The following PLCL1 variants were observed in gnomAD, a reference collection of about 807,000 sequenced individuals.
PLCL1 encodes phospholipase C like 1 (inactive), also known as inactive phospholipase C-like protein 1.
PLCL1 carries 41 observed loss-of-function variants against 84.4 expected under a neutral mutation model. The observed-to-expected ratio is 0.49, with a 90% CI of 0.38 to 0.63. The LOEUF (loss-of-function observed/expected upper bound fraction) is 0.63, where lower values mean the gene tolerates loss of function less well. PLCL1 is among the 30% of genes least tolerant of loss of function. The probability of loss-of-function intolerance (pLI) is 0.00; values close to 1 mark genes in which losing one functional copy is unlikely to be tolerated. For missense variants in PLCL1, 1,206 were observed against 1,367.8 expected (o/e 0.88, Z 1.87); for synonymous variants, 490 against 488.3 (o/e 1.00, Z -0.05).
chr2:198,083,136 C>T (rs149491543), intron 1 of PLCL1, among the ~76,000 whole-genome samples: 108 of 152,250 alleles, frequency 7.1e-4, no homozygotes, highest in African/African-American at 2.5e-3. Flanking sequence ...GAAATGCAGG[C>T]GTGAATTCCT....
chr2:198,092,772 T>C (rs969302674), intron 3 of PLCL1, among the ~76,000 whole-genome samples: 2 of 152,214 alleles, frequency 1.3e-5, no homozygotes, highest in African/African-American at 4.8e-5. Context: ...TGCTTGAACT[T>C]TTTAATTGCT....
chr2:197,897,192 CTTCTCCTTCTTCT>C (rs1688166012), intron 1 of PLCL1, among the ~76,000 whole-genome samples: 1 of 14,168 alleles, frequency 7.1e-5, no homozygotes. Flanking sequence ...TCTTCTTCTC[CTTCTCCTTCTTCT>C]TTCTTCTTCC....
intron 1 of PLCL1, among the ~76,000 whole-genome samples, chr2:197,874,287 A>T (rs528106737): frequency 2.0e-5 from 3 of 152,162 alleles, no homozygotes; most frequent in Non-Finnish European, 4.4e-5. Context: ...TTGCAATTTG[A>T]AGGCTGATGA....
intron 1 of PLCL1, among the ~76,000 whole-genome samples, chr2:197,977,166 A>C (rs182615969): frequency 1.3e-5 from 2 of 152,302 alleles, no homozygotes; most frequent in Admixed American, 1.3e-4. Context: ...TTTGTTAACA[A>C]TAAGGAAAAT....
At chr2:198,116,274 A>G (rs952421622) in intron 5 of PLCL1, among the ~76,000 whole-genome samples, 11 of 151,746 alleles carry the variant, frequency 7.2e-5, no homozygotes, top group African/African-American at 2.7e-4. Context: ...TACATCAAAT[A>G]TGAGATTACA....
chr2:197,930,743 A>C (rs1358444881), intron 1 of PLCL1, among the ~76,000 whole-genome samples: 1 of 152,156 alleles, frequency 6.6e-6, no homozygotes, highest in Non-Finnish European at 1.5e-5. Flanking sequence ...TCAGGGAGCC[A>C]TCTTGCTCCT....
rs969386568 is a variant in PLCL1 at position 198,147,841 on chromosome 2, T to G, written c.*879T>G. The G allele has an allele frequency of 2.0e-5, 3 of 152,342 alleles. No homozygotes were observed. The highest frequency in any genetic ancestry group is 6.5e-5 in the Admixed American group (1 of 15,282). The allele number at this position is 152,342 out of a possible 1,614,324, so 9.4% of individuals were successfully genotyped here. Reference sequence around the variant, plus strand: ...TTCTTCCAAGCTGAGAGTCTAGCACTCATTTTCTATAACAGATATGGCAGC... The same window carrying G: ...TTCTTCCAAGCTGAGAGTCTAGCACGCATTTTCTATAACAGATATGGCAGC... On this transcript the variant is annotated 3_prime_UTR_variant, in exon 6 of 6. Coordinates refer to ENST00000428675, the MANE Select transcript of PLCL1 (RefSeq NM_006226.4).
chr2:198,079,211 G>A (rs943759905), intron 1 of PLCL1, among the ~76,000 whole-genome samples: 2 of 151,522 alleles, frequency 1.3e-5, no homozygotes, highest in African/African-American at 4.8e-5. Flanking sequence ...ATGGAAACAT[G>A]TTTATTAATT....
intron 5 of PLCL1, among the ~76,000 whole-genome samples, chr2:198,138,347 C>G (rs1027947097): frequency 6.6e-6 from 1 of 151,958 alleles, no homozygotes; most frequent in South Asian, 2.1e-4. Context: ...TTCAAACAAC[C>G]AGATCTCCTG....
At chr2:197,964,170 T>C (rs559392097) in intron 1 of PLCL1, among the ~76,000 whole-genome samples, 1 of 152,268 alleles carries the variant, frequency 6.6e-6, no homozygotes, top group African/African-American at 2.4e-5. Context: ...TGGCATTGAA[T>C]CTGTAGATTT....
At chr2:198,039,924 T>A (rs1034966684) in intron 1 of PLCL1, among the ~76,000 whole-genome samples, 2 of 152,176 alleles carry the variant, frequency 1.3e-5, no homozygotes, top group African/African-American at 4.8e-5. Context: ...ATGGAGAACA[T>A]GTTATTTGCT....
At chr2:198,088,778 T>C (rs1178412826) in intron 2 of PLCL1, 80 bp from the exon 3 acceptor site, 11 of 833,898 alleles carry the variant, frequency 1.3e-5, no homozygotes, top group Non-Finnish European at 2.1e-5. Context: ...AAAATGAATG[T>C]ACTTTTCTGT....
intron 1 of PLCL1, among the ~76,000 whole-genome samples, chr2:197,965,821 G>A (rs1372998339): frequency 7.2e-5 from 11 of 152,130 alleles, no homozygotes; most frequent in Admixed American, 3.9e-4. Flanking sequence ...TTCAGGAACA[G>A]GAGCATGTTG....
rs1694586647 is a variant in PLCL1 at position 198,148,972 on chromosome 2, A to C, written c.*2010A>C. On this transcript the variant is annotated 3_prime_UTR_variant, in exon 6 of 6. Transcript: ENST00000428675. ...TAGGACCCACCCAAAAATTCTCAAA[A>C]ACGTAATATGGATTCTGCCTCATCT... The C allele has an allele frequency of 6.6e-6, 1 of 152,280 alleles. No individual in the cohort carries two copies. The highest frequency in any genetic ancestry group is 2.4e-5 in the African/African-American group (1 of 41,420). The allele number at this position is 152,280 out of a possible 1,614,324, so 9.4% of individuals were successfully genotyped here.
At chr2:197,983,587 G>A (rs1166596697) in intron 1 of PLCL1, among the ~76,000 whole-genome samples, 2 of 152,128 alleles carry the variant, frequency 1.3e-5, no homozygotes, top group East Asian at 1.9e-4. Context: ...CCTATAGGAA[G>A]GATGGAATTT....
Position 198,088,991 on chromosome 2 carries a change from G to A in PLCL1, c.2849G>A (p.Ser950Asn), listed in dbSNP as rs776214442. ...TCAGTCTCACTTGTGATGAAAGACA[G>A]CTTTCCTTACCTGGAGCCTCTGGGT... ...TPSVSLVMKD[S>N]FPYLEPLGAI... Residue 950 changes from serine (S) to asparagine (N), a missense_variant, in exon 3 of 6, where the codon AGC becomes AAC. Coordinates refer to ENST00000428675, the MANE Select transcript of PLCL1 (RefSeq NM_006226.4). 15 of 1,613,958 alleles carry A rather than the reference G, an allele frequency of 9.3e-6. No homozygotes were observed. The highest frequency in any genetic ancestry group is 2.2e-5 in the East Asian group (1 of 44,880).
intron 3 of PLCL1, among the ~76,000 whole-genome samples, chr2:198,094,084 C>G (rs192571017): frequency 1.3e-5 from 2 of 151,946 alleles, no homozygotes; most frequent in South Asian, 4.2e-4. Context: ...GTTTTGGAAA[C>G]GGAGTCTCAC....
chr2:198,141,473 A>G (rs1694385095), intron 5 of PLCL1, among the ~76,000 whole-genome samples: 1 of 148,572 alleles, frequency 6.7e-6, no homozygotes, highest in Admixed American at 6.6e-5. Context: ...CAAGAGTGTA[A>G]CATCAAAAAA....
rs570086323 is a variant in PLCL1, at chr2:197,915,543, C to T, written c.240+110204C>T. On this transcript the variant is annotated intron_variant, in intron 1 of 5. Coordinates refer to ENST00000428675, the MANE Select transcript of PLCL1 (RefSeq NM_006226.4). ...GGAGATTTTTTTTTTTTTTGAAGTC[C>T]GATGGCAGCAGGATGTGAGATTCCC... 4.0e-5 allele frequency among the ~76,000 whole-genome samples: 6 copies of T among 150,634 alleles called. No homozygotes were observed. In the South Asian group the frequency reaches 6.3e-4, roughly 16 times the overall value.
Sources: gnomAD v4.1 joint callset for allele counts (sites outside exome capture counted in the v4.1 genomes callset) on GRCh38, gnomAD v4.1.1 for gene constraint, MANE v1.5 for transcripts, NCBI Gene and HGNC (gene_info 2026-07-23, HGNC 2026-07-21) for gene names.